SYDE2: variants seen among roughly 807,000 people sequenced by gnomAD.
SYDE2 encodes rho GTPase-activating protein SYDE2.
SYDE2 carries 76 observed loss-of-function variants against 91.5 expected under a neutral mutation model. That is an observed-to-expected ratio of 0.83 (90% confidence interval 0.69 to 1.01). SYDE2 has a LOEUF of 1.01. Among genes scored for constraint, SYDE2 ranks in the 50% least tolerant of loss-of-function variants. The probability of loss-of-function intolerance (pLI) is 0.00; values close to 1 mark genes in which losing one functional copy is unlikely to be tolerated. For missense variants in SYDE2, 1,364 were observed against 1,367.7 expected (o/e 1.00, Z 0.04); for synonymous variants, 513 against 506.4 (o/e 1.01, Z -0.18).
downstream of SYDE2, among the ~76,000 whole-genome samples, chr1:85,154,514 G>T (rs1656834330): frequency 1.4e-5 from 2 of 145,922 alleles, no homozygotes; most frequent in Non-Finnish European, 3.0e-5. Flanking sequence ...AGTACTAATC[G>T]TTAACAGGAC....
At position 85,182,390 on chromosome 1, in the gene SYDE2, G is replaced by C. The variant is rs748732287; in HGVS notation, c.2252C>G (p.Pro751Arg). 34 of 1,613,686 alleles carry C rather than the reference G, an allele frequency of 2.1e-5. No homozygotes were observed. Among genetic ancestry groups the C allele is most frequent in the Non-Finnish European group, 2.8e-5 (33 of 1,179,792 alleles). Residue 751 changes from proline (P) to arginine (R), a missense_variant, in exon 3 of 7, where the codon CCC becomes CGC. Physicochemically the swap from Pro to Arg is moderately radical, Grantham distance 103. Coordinates refer to ENST00000341460, the MANE Select transcript of SYDE2 (RefSeq NM_032184.2). ...ACAAACTCGATTTTTTCTTGGAGTGGGTTCCCAACTGAATACTACTAGTTT... is the reference window on the plus strand; with the variant it reads ...ACAAACTCGATTTTTTCTTGGAGTGCGTTCCCAACTGAATACTACTAGTTT... The part of the protein sequence containing the change: ...HLKLVVFSWE[P>R]TPRKNRVCCH...
intron 2 of SYDE2, among the ~76,000 whole-genome samples, chr1:85,185,214 TA>T (rs1479751589): frequency 3.4e-5 from 5 of 147,740 alleles, no homozygotes; most frequent in African/African-American, 9.8e-5. Context: ...TGTAAATATT[TA>T]ATATTTATAA....
intron 1 of SYDE2, among the ~76,000 whole-genome samples, chr1:85,199,746 GT>G (rs1469384872): frequency 8.6e-5 from 13 of 151,154 alleles, no homozygotes; most frequent in African/African-American, 2.9e-4. Context: ...TTGTGTGTAT[GT>G]ATGCATGTGT....
intron 5 of SYDE2, among the ~76,000 whole-genome samples, chr1:85,165,389 G>A (rs952898846): frequency 2.0e-5 from 3 of 152,122 alleles, no homozygotes; most frequent in Non-Finnish European, 4.4e-5. Flanking sequence ...AACAGCAAAG[G>A]CTGTGATGAA....
At chr1:85,187,816 T>C (rs1658208227) in intron 2 of SYDE2, among the ~76,000 whole-genome samples, 1 of 134,852 alleles carries the variant, frequency 7.4e-6, no homozygotes, top group African/African-American at 2.8e-5. Context: ...AATTGAACAA[T>C]GAGAACACAT....
Position 85,158,953 on chromosome 1 carries a change from T to C in SYDE2, c.3382A>G (p.Lys1128Glu). The C allele has an allele frequency of 2.6e-6, 2 of 780,706 alleles. No homozygotes were observed. The highest frequency in any genetic ancestry group is 2.3e-4 in the Middle Eastern group (1 of 4,442). 48.4% of individuals were successfully genotyped at this position (780,706 alleles called of 1,614,324 possible). ...ATCATTACTTCTGGCCCATCCATTT[T>C]GCTATAATTTTCTCCGATTTTTCTA... ...EDRKIGENYS[K>E]MDGPEVMIEQ... The change falls in exon 7 of 7, where the codon AAA (lysine) becomes GAA (glutamate). Residue 1128 changes from lysine (K) to glutamate (E), a missense_variant. By Grantham distance (56) the Lys-to-Glu change is moderately conservative. Coordinates refer to ENST00000341460, the MANE Select transcript of SYDE2 (RefSeq NM_032184.2).
At chr1:85,177,735 TG>T (rs1657752450) in intron 4 of SYDE2, among the ~76,000 whole-genome samples, 1 of 152,174 alleles carries the variant, frequency 6.6e-6, no homozygotes, top group African/African-American at 2.4e-5. Flanking sequence ...ATAATCTCTA[TG>T]ATATCACTCC....
Position 85,182,450 on chromosome 1 carries a change from G to T in SYDE2, c.2192C>A (p.Thr731Asn). The change falls in exon 3 of 7, where the codon ACT becomes AAT. Residue 731 changes from threonine to asparagine, a missense_variant. Thr to Asn is a moderately conservative substitution (Grantham distance 65). Coordinates refer to ENST00000341460, the MANE Select transcript of SYDE2 (RefSeq NM_032184.2). Reference sequence around the variant, plus strand: ...TGCATTTTCAATTTCTATGTTGAAAGTGTGATCCATGTCTAAAAATGTTGT... The same window carrying T: ...TGCATTTTCAATTTCTATGTTGAAATTGTGATCCATGTCTAAAAATGTTGT... ...CRTTFLDMDH[T>N]FNIEIENAQH... 1 of 1,613,588 alleles carries T rather than the reference G, an allele frequency of 6.2e-7. No individual in the cohort carries two copies. The highest frequency in any genetic ancestry group is 1.3e-5 in the African/African-American group (1 of 75,046).
At chr1:85,185,406 G>C (rs1658095810) in intron 2 of SYDE2, among the ~76,000 whole-genome samples, 1 of 151,500 alleles carries the variant, frequency 6.6e-6, no homozygotes, top group Admixed American at 6.6e-5. Context: ...AAAAAAAAAA[G>C]TTTACGATAT....
intron 4 of SYDE2, among the ~76,000 whole-genome samples, chr1:85,177,273 A>G (rs1657736360): frequency 1.3e-5 from 2 of 152,168 alleles, no homozygotes; most frequent in Non-Finnish European, 2.9e-5. Flanking sequence ...TATATTTCCA[A>G]TGCCATACAT....
chr1:85,160,631 G>A, intron 6 of SYDE2: 3 of 985,286 alleles, frequency 3.0e-6, no homozygotes, highest in Non-Finnish European at 3.6e-6. Flanking sequence ...TCCTCTAGCT[G>A]CTTATCACCA....
intron 2 of SYDE2, among the ~76,000 whole-genome samples, chr1:85,185,370 C>T (rs1658092921): frequency 6.6e-6 from 1 of 151,134 alleles, no homozygotes; most frequent in Non-Finnish European, 1.5e-5. Context: ...TTAGTCTTTC[C>T]AGGTTCACAA....
At chr1:85,163,282 A>G (rs561594292) in intron 6 of SYDE2, among the ~76,000 whole-genome samples, 35 of 151,142 alleles carry the variant, frequency 2.3e-4, no homozygotes, top group African/African-American at 8.2e-4. Flanking sequence ...AAATTTTTGT[A>G]TTTTTAATGG....
Position 85,200,928 on chromosome 1 carries a change from G to C in SYDE2, c.69C>G (p.Pro23=), listed in dbSNP as rs1658812237. 2 of 1,321,156 alleles carry C rather than the reference G, an allele frequency of 1.5e-6. No homozygotes were observed. The highest frequency in any genetic ancestry group is 1.9e-6 in the Non-Finnish European group (2 of 1,044,926). The allele number at this position is 1,321,156 out of a possible 1,614,324, so 81.8% of individuals were successfully genotyped here. A position where few individuals can be genotyped will look rare whatever the true frequency, so the allele number is the denominator to read the frequency against. Residue 23 remains proline (P), a synonymous_variant, in exon 1 of 7, where the codon CCC becomes CCG. Coordinates refer to ENST00000341460, the MANE Select transcript of SYDE2 (RefSeq NM_032184.2). ...GCTGGCCCGGAGCCCGGGCTCCCGC[G>C]GGGAAGCTGTGATCCGCCAAGCCCC... ...GGRGLADHSF[P]AGARAPGQPP... is the part of the protein sequence containing the mutation.
chr1:85,153,342 A>G (rs976495307), downstream of SYDE2: 1 of 152,340 alleles, frequency 6.6e-6, no homozygotes. Flanking sequence ...ACAAACTCCA[A>G]TGCAGTTTAA....
chr1:85,198,411 A>G (rs1195216004), intron 1 of SYDE2, among the ~76,000 whole-genome samples: 3 of 152,326 alleles, frequency 2.0e-5, no homozygotes, highest in Non-Finnish European at 2.9e-5. Flanking sequence ...TCTATACTAG[A>G]TATGTAAACA....
intron 6 of SYDE2, chr1:85,160,461 A>C (rs1657020068): frequency 1.0e-6 from 1 of 954,708 alleles, no homozygotes. Flanking sequence ...ATAGATAGCC[A>C]AAATTTCTTG....
At position 85,159,212 on chromosome 1, in the gene SYDE2, T is replaced by C. The variant is rs1267016575; in HGVS notation, c.3123A>G (p.Leu1041=). The C allele has an allele frequency of 1.0e-5, 8 of 780,470 alleles. No individual in the cohort carries two copies. Among genetic ancestry groups the C allele is most frequent in the Non-Finnish European group, 1.4e-5 (6 of 417,956 alleles). The allele number at this position is 780,470 out of a possible 1,614,324, so 48.3% of individuals were successfully genotyped here. A position where few individuals can be genotyped will look rare whatever the true frequency, so the allele number is the denominator to read the frequency against. Residue 1041 remains leucine (L), a synonymous_variant, in exon 7 of 7, where the codon TTA becomes TTG. Coordinates refer to ENST00000341460, the MANE Select transcript of SYDE2 (RefSeq NM_032184.2). ...RLTVKKSTDN[L]FPEQKSSLNY... ...TCAGAGAAGACTTCTGCTCTGGGAA[T>C]AAATTGTCTGTTGATTTTTTGACAG...
intron 2 of SYDE2, among the ~76,000 whole-genome samples, chr1:85,187,073 C>T (rs2100680713): frequency 6.6e-6 from 1 of 152,142 alleles, no homozygotes; most frequent in Admixed American, 6.5e-5. Context: ...TCAGAGTGAA[C>T]AGGCAACCTA....
Sources: allele counts gnomAD v4.1 joint callset (sites outside exome capture counted in the v4.1 genomes callset), GRCh38; gene constraint gnomAD v4.1.1; transcripts MANE v1.5; gene names NCBI Gene and HGNC (gene_info 2026-07-23, HGNC 2026-07-21).